The following COG5 variants were observed in gnomAD, a reference collection of about 807,000 sequenced individuals.
COG5 encodes conserved oligomeric Golgi complex subunit 5.
In COG5, 86 loss-of-function variants were observed where a neutral mutation model predicts 110.4. The ratio of observed to expected loss-of-function variants is 0.78; its 90% confidence interval spans 0.65 to 0.93. The LOEUF (loss-of-function observed/expected upper bound fraction) is 0.93. Ranked by LOEUF, COG5 falls within the 40% of genes least tolerant of loss-of-function variation. The pLI, the probability that COG5 is intolerant of heterozygous loss-of-function variation, is 0.00. For missense variants in COG5, 1,077 were observed against 987.0 expected (o/e 1.09, Z -1.22); for synonymous variants, 360 against 334.6 (o/e 1.08, Z -0.83).
At chr7:107,371,233 T>A (rs1288546469) in intron 8 of COG5, among the ~76,000 whole-genome samples, 14 of 152,162 alleles carry the variant, frequency 9.2e-5, no homozygotes, top group Admixed American at 9.2e-4. Context: ...TCTCTTTTTA[T>A]CCAGTACAAC....
At chr7:107,354,058 A>G (rs1340896169) in intron 10 of COG5, among the ~76,000 whole-genome samples, 1 of 152,224 alleles carries the variant, frequency 6.6e-6, no homozygotes, top group Non-Finnish European at 1.5e-5. Flanking sequence ...TTTAGAATTA[A>G]TAATTCTCAC....
chr7:107,347,896 G>A (rs1006049887), intron 10 of COG5, among the ~76,000 whole-genome samples: 9 of 152,054 alleles, frequency 5.9e-5, no homozygotes, highest in Non-Finnish European at 4.4e-5. Flanking sequence ...GGAGGCTGAG[G>A]CAGGTGGATC....
chr7:107,489,444 T>C (rs987143087), intron 6 of COG5, among the ~76,000 whole-genome samples: 2 of 152,188 alleles, frequency 1.3e-5, no homozygotes, highest in Non-Finnish European at 2.9e-5. Flanking sequence ...CAAACAATAC[T>C]GTTATAACCC....
intron 5 of COG5, among the ~76,000 whole-genome samples, chr7:107,528,893 G>A (rs1017846333): frequency 1.3e-5 from 2 of 151,870 alleles, no homozygotes; most frequent in African/African-American, 2.4e-5. Flanking sequence ...GCAATACACC[G>A]TATGTATGCA....
At chr7:107,233,439 G>C (rs910326746) in intron 18 of COG5, among the ~76,000 whole-genome samples, 1 of 152,212 alleles carries the variant, frequency 6.6e-6, no homozygotes, top group African/African-American at 2.4e-5. Flanking sequence ...CCCTCACCAT[G>C]ATCCCTCCAG....
intron 12 of COG5, among the ~76,000 whole-genome samples, chr7:107,294,881 TTGTGTGTG>T (rs756358916): frequency 0.26 from 24,586 of 94,184 alleles, 3,346 homozygotes; most frequent in Middle Eastern, 0.36. Flanking sequence ...ATGCCTGGAT[TTGTGTGTG>T]TGTGTGTGTG....
chr7:107,467,988 C>G (rs1796403911), intron 6 of COG5, among the ~76,000 whole-genome samples: 1 of 152,126 alleles, frequency 6.6e-6, no homozygotes, highest in South Asian at 2.1e-4. Context: ...AACACTGTCT[C>G]ACAAAGAGTT....
intron 10 of COG5, among the ~76,000 whole-genome samples, chr7:107,356,538 TAAATA>T (rs1417576450): frequency 3.3e-5 from 5 of 152,072 alleles, no homozygotes; most frequent in Admixed American, 2.0e-4. Flanking sequence ...TGACTCATAA[TAAATA>T]AAACAAAATA....
intron 14 of COG5, among the ~76,000 whole-genome samples, chr7:107,274,554 T>A (rs2116744080): frequency 6.6e-6 from 1 of 152,198 alleles, no homozygotes; most frequent in African/African-American, 2.4e-5. Flanking sequence ...GGATTAGAGC[T>A]ACGTATAATA....
intron 6 of COG5, among the ~76,000 whole-genome samples, chr7:107,456,702 A>G (rs1358581099): frequency 1.3e-5 from 2 of 152,232 alleles, no homozygotes; most frequent in East Asian, 3.8e-4. Context: ...TAAGTTATAA[A>G]TGTACACAGT....
At chr7:107,563,434 T>G (rs1804097286) in intron 1 of COG5, 1 of 370,334 alleles carries the variant, frequency 2.7e-6, no homozygotes, top group African/African-American at 2.1e-5. Flanking sequence ...CTTACACTTT[T>G]GAAGAGCTCG....
chr7:107,419,968 C>A (rs768361246), intron 6 of COG5, among the ~76,000 whole-genome samples: 18 of 151,934 alleles, frequency 1.2e-4, no homozygotes, highest in Non-Finnish European at 2.4e-4. Context: ...CCTATTAAAC[C>A]TTTTTAATAA....
At chr7:107,509,294 C>G (rs561424123) in intron 6 of COG5, among the ~76,000 whole-genome samples, 7 of 151,812 alleles carry the variant, frequency 4.6e-5, no homozygotes, top group African/African-American at 1.7e-4. Context: ...AGAAAGGGTA[C>G]CAGTGATGGA....
At chr7:107,520,785 A>G (rs755557555) in intron 6 of COG5, among the ~76,000 whole-genome samples, 12 of 152,220 alleles carry the variant, frequency 7.9e-5, no homozygotes, top group Non-Finnish European at 1.3e-4. Flanking sequence ...ACAGAGTTAG[A>G]AAAAACTACT....
intron 7 of COG5, among the ~76,000 whole-genome samples, chr7:107,396,594 A>T (rs1209340966): frequency 6.6e-6 from 1 of 152,070 alleles, no homozygotes; most frequent in East Asian, 1.9e-4. Flanking sequence ...AACATGGATT[A>T]GAAGAGGAAA....
At chr7:107,404,933 T>G (rs937281197) in intron 7 of COG5, among the ~76,000 whole-genome samples, 1 of 148,646 alleles carries the variant, frequency 6.7e-6, no homozygotes, top group Non-Finnish European at 1.5e-5. Flanking sequence ...ACAAAAATTC[T>G]GAGGAATGCT....
chr7:107,280,333 T>C (rs1454131900), intron 14 of COG5, among the ~76,000 whole-genome samples: 3 of 152,046 alleles, frequency 2.0e-5, no homozygotes, highest in South Asian at 2.1e-4. Context: ...TGGCCATCCA[T>C]GGGAACTAAA....
intron 6 of COG5, among the ~76,000 whole-genome samples, chr7:107,449,665 G>A (rs1282709751): frequency 6.6e-6 from 1 of 152,154 alleles, no homozygotes; most frequent in Non-Finnish European, 1.5e-5. Context: ...GCAGAGAAAA[G>A]ACAGGACATT....
At chr7:107,355,677 CA>C (rs1812565218) in intron 10 of COG5, among the ~76,000 whole-genome samples, 1 of 152,160 alleles carries the variant, frequency 6.6e-6, no homozygotes, top group Non-Finnish European at 1.5e-5. Flanking sequence ...TCAGAAAAGG[CA>C]ACTTACTGTA....
Sources: allele counts gnomAD v4.1 joint callset (sites outside exome capture counted in the v4.1 genomes callset), GRCh38; gene constraint gnomAD v4.1.1; transcripts MANE v1.5; gene names NCBI Gene and HGNC (gene_info 2026-07-23, HGNC 2026-07-21).